USP46: variants seen among roughly 807,000 people sequenced by gnomAD.
The protein encoded by USP46 is ubiquitin carboxyl-terminal hydrolase 46.
Under a neutral mutation model 44.4 loss-of-function variants are expected in USP46, and 12 were observed. That is an observed-to-expected ratio of 0.27 (90% CI 0.17 to 0.44). The LOEUF is 0.44. Ranked by LOEUF, USP46 falls within the 20% of genes least tolerant of loss-of-function variation. The pLI is 1.00. For synonymous variants in USP46, 155 were observed against 161.5 expected (o/e 0.96, Z 0.31); for missense variants, 248 against 444.8 (o/e 0.56, Z 3.98).
chr4:52,632,837 G>GA (rs943052680), intron 1 of USP46, among the ~76,000 whole-genome samples: 8 of 120,324 alleles, frequency 6.6e-5, no homozygotes, highest in East Asian at 2.5e-4. Flanking sequence ...GAACAGAACA[G>GA]AAAAAAAAAG....
chr4:52,650,306 T>C (rs2109665911), intron 1 of USP46, among the ~76,000 whole-genome samples: 1 of 152,340 alleles, frequency 6.6e-6, no homozygotes, highest in East Asian at 1.9e-4. Context: ...GTTGACATAA[T>C]CTCAAATATA....
At position 52,625,017 on chromosome 4, in the gene USP46, A is replaced by G. The variant is rs1717521734; in HGVS notation, c.561+1001T>C. Among the ~76,000 whole-genome samples the G allele has an allele frequency of 5.9e-5, 9 of 152,302 alleles. No individual in the cohort carries two copies. In the South Asian group the frequency reaches 1.9e-3, roughly 32 times the overall value. On this transcript the variant is annotated intron_variant, in intron 4 of 8. Coordinates refer to ENST00000441222, the MANE Select transcript of USP46 (RefSeq NM_022832.4). ...AGACTAAGACACAGGCTCTTTGCAA[A>G]ATCTGACAAAAGCTACTACCTCTCT...
At chr4:52,605,724 G>A (rs867935716) in intron 5 of USP46, among the ~76,000 whole-genome samples, 1 of 152,286 alleles carries the variant, frequency 6.6e-6, no homozygotes, top group Middle Eastern at 3.4e-3. Flanking sequence ...AATGATCAGT[G>A]CAGCTTCAAC....
intron 1 of USP46, among the ~76,000 whole-genome samples, chr4:52,632,984 GAAAAGAAAAGAAAGAAAGAAAGAAAGAAA>G (rs1717948177): frequency 7.6e-5 from 4 of 52,534 alleles, no homozygotes; most frequent in South Asian, 7.9e-4. Context: ...AAGAAAGAAA[GAAAAGAAAAGAAAGAAAGAAAGAAAGAAA>G]GAAAGAAAGA....
intron 4 of USP46, among the ~76,000 whole-genome samples, chr4:52,614,760 A>G (rs1437891800): frequency 6.6e-6 from 1 of 152,244 alleles, no homozygotes; most frequent in Non-Finnish European, 1.5e-5. Context: ...TAATTTTTGT[A>G]TAATATTCAC....
At position 52,633,002 on chromosome 4, in the gene USP46, G is replaced by GAGA. The variant is rs1560406318; in HGVS notation, c.37-1859_37-1858insTCT. ...AAAGAAAGAAAAGAAAAGAAAGAAA[G>GAGA]AAAGAAAGAAAGAAAGAAAGAAAGA... On this transcript the variant is annotated intron_variant, in intron 1 of 8. Coordinates refer to ENST00000441222, the MANE Select transcript of USP46 (RefSeq NM_022832.4). Among the ~76,000 whole-genome samples, 194 of 117,032 alleles carry GAGA rather than the reference G, an allele frequency of 1.7e-3. 2 individuals carry two copies. The highest frequency in any genetic ancestry group is 5.6e-3 in the African/African-American group (148 of 26,430). The allele number at this position is 117,032 out of a possible 152,430, so 76.8% of individuals were successfully genotyped here.
In USP46 at chr4:52,627,993, G is replaced by T; in HGVS notation, c.288C>A (p.Val96=). 6.2e-7 allele frequency: 1 copy of T among 1,613,822 alleles called. No individual in the cohort carries two copies. The highest frequency in any genetic ancestry group is 8.5e-7 in the Non-Finnish European group (1 of 1,179,816). Residue 96 remains valine (V), a synonymous_variant, in exon 3 of 9, where the codon GTC becomes GTA. Transcript: ENST00000441222. The part of the protein sequence containing the change: ...SIATQKKKVG[V]IPPKKFISRL... Reference sequence around the variant, plus strand: ...TTGAAATGAACTTCTTTGGTGGGATGACGCCAACCTTCTTCTTCTGTGTGG... The same window carrying T: ...TTGAAATGAACTTCTTTGGTGGGATTACGCCAACCTTCTTCTTCTGTGTGG...
chr4:52,601,930 A>G lies in USP46; in HGVS notation c.847T>C (p.Phe283Leu). The change falls in exon 7 of 9, where the codon TTC (phenylalanine) becomes CTC (leucine). Residue 283 changes from phenylalanine to leucine, a missense_variant. Phe to Leu is a conservative substitution (Grantham distance 22, BLOSUM62 0). Coordinates refer to ENST00000441222, the MANE Select transcript of USP46 (RefSeq NM_022832.4). ...TTCACTGCATCACTGGAGGTGTTGA[A>G]GAGCCGGAGTTCCAGAGGGAAGACC... Reference protein sequence around the residue: ...RVVFPLELRLFNTSSDAVNLD... With the variant: ...RVVFPLELRLLNTSSDAVNLD... 1 of 1,614,002 alleles carries G rather than the reference A, an allele frequency of 6.2e-7. No individual in the cohort carries two copies. The highest frequency in any genetic ancestry group is 8.5e-7 in the Non-Finnish European group (1 of 1,179,896).
intron 7 of USP46, 41 bp from the exon 8 acceptor site, chr4:52,598,747 T>A (rs374587502): frequency 6.5e-7 from 1 of 1,540,558 alleles, no homozygotes; most frequent in South Asian, 1.2e-5. Flanking sequence ...AAGTTAACAT[T>A]TATCTCTTTA....
In USP46 at chr4:52,596,598, G is replaced by A. The variant is rs1365241554; in HGVS notation, c.*1042C>T. 1.3e-5 allele frequency: 2 copies of A among 152,202 alleles called. No individual in the cohort carries two copies. The highest frequency in any genetic ancestry group is 4.8e-5 in the African/African-American group (2 of 41,440). 9.4% of individuals were successfully genotyped at this position (152,202 alleles called of 1,614,324 possible). A position where few individuals can be genotyped will look rare whatever the true frequency, so the allele number is the denominator to read the frequency against. ...TGGTATTCCCTCTAGGGAAGGTTCT[G>A]TATCAGCCCTGGGACTCGCCAGTGC... On this transcript the variant is annotated 3_prime_UTR_variant, in exon 9 of 9. Transcript: ENST00000441222.
chr4:52,636,324 C>A (rs1718113780), intron 1 of USP46, among the ~76,000 whole-genome samples: 1 of 152,168 alleles, frequency 6.6e-6, no homozygotes, highest in African/African-American at 2.4e-5. Context: ...CAGAAGAACA[C>A]AGCCTGGTAC....
At chr4:52,623,206 T>C (rs1004378821) in intron 4 of USP46, among the ~76,000 whole-genome samples, 2 of 151,888 alleles carry the variant, frequency 1.3e-5, no homozygotes, top group African/African-American at 4.8e-5. Context: ...AGAGGTGAGG[T>C]AAGGATGGTG....
At chr4:52,648,533 G>A (rs1189617031) in intron 1 of USP46, among the ~76,000 whole-genome samples, 1 of 152,162 alleles carries the variant, frequency 6.6e-6, no homozygotes, top group Non-Finnish European at 1.5e-5. Flanking sequence ...CAAAAACCAT[G>A]AACAATGATG....
At chr4:52,640,091 T>C (rs913643154) in intron 1 of USP46, among the ~76,000 whole-genome samples, 6 of 152,120 alleles carry the variant, frequency 3.9e-5, no homozygotes, top group African/African-American at 1.4e-4. Flanking sequence ...GTAACTTGAA[T>C]TGGGTAAATA....
intron 8 of USP46, 95 bp from the exon 9 acceptor site, chr4:52,597,836 A>C: frequency 2.2e-6 from 2 of 910,218 alleles, no homozygotes; most frequent in African/African-American, 1.7e-5. Flanking sequence ...AAATGCAAGG[A>C]ACACAATTTG....
At position 52,628,002 on chromosome 4, in the gene USP46, C is replaced by T. The variant is rs1225812832; in HGVS notation, c.279G>A (p.Lys93=). Reference sequence around the variant, plus strand: ...ACTTCTTTGGTGGGATGACGCCAACCTTCTTCTTCTGTGTGGCAATGCTGT... The same window carrying T: ...ACTTCTTTGGTGGGATGACGCCAACTTTCTTCTTCTGTGTGGCAATGCTGT... The part of the protein sequence containing the change: ...LFHSIATQKK[K]VGVIPPKKFI... Residue 93 remains lysine, a synonymous_variant, in exon 3 of 9, where the codon AAG becomes AAA. Transcript: ENST00000441222. 1.2e-6 allele frequency: 2 copies of T among 1,613,842 alleles called. No individual in the cohort carries two copies. Among genetic ancestry groups the T allele is most frequent in the South Asian group, 1.1e-5 (1 of 91,030 alleles).
At chr4:52,630,972 T>TA (rs551276673) in intron 2 of USP46, 92 bp downstream of exon 2, 2 of 1,035,596 alleles carry the variant, frequency 1.9e-6, no homozygotes, top group South Asian at 1.5e-5. Context: ...ACCAATCATT[T>TA]AAAAATTGGT....
intron 1 of USP46, chr4:52,658,085 G>A: frequency 5.0e-6 from 2 of 402,492 alleles, no homozygotes. Context: ...GTAAGAGCAC[G>A]TGTTGCCTCC....
intron 5 of USP46, among the ~76,000 whole-genome samples, chr4:52,610,062 A>G (rs1250331070): frequency 6.7e-6 from 1 of 148,288 alleles, no homozygotes; most frequent in African/African-American, 2.5e-5. Flanking sequence ...TGTAGCTGGG[A>G]CTACAGGCGC....
Sources: allele counts gnomAD v4.1 joint callset (sites outside exome capture counted in the v4.1 genomes callset), GRCh38; gene constraint gnomAD v4.1.1; transcripts MANE v1.5; gene names NCBI Gene and HGNC (gene_info 2026-07-23, HGNC 2026-07-21).